The following DNAH6 variants were observed in gnomAD, a reference collection of about 807,000 sequenced individuals.
DNAH6 encodes axonemal beta dynein heavy chain 6.
In DNAH6, 340 loss-of-function variants were observed where a neutral mutation model predicts 491.4. The ratio of observed to expected loss-of-function variants is 0.69; its 90% confidence interval spans 0.63 to 0.76. DNAH6 has a LOEUF of 0.76. Ranked by LOEUF, DNAH6 falls within the 30% of genes least tolerant of loss-of-function variation. The pLI, the probability that DNAH6 is intolerant of heterozygous loss-of-function variation, is 0.00. For missense variants in DNAH6, 4,443 were observed against 4,972.2 expected (o/e 0.89, Z 3.20); for synonymous variants, 1,603 against 1,686.1 (o/e 0.95, Z 1.21).
intron 42 of DNAH6, among the ~76,000 whole-genome samples, chr2:84,683,907 G>A (rs1232746214): frequency 6.6e-6 from 1 of 152,120 alleles, no homozygotes; most frequent in Non-Finnish European, 1.5e-5. Context: ...GCATTAACAA[G>A]TCTGGGAATG....
In DNAH6 at chr2:84,796,436, T is replaced by C. The variant is rs778013139; in HGVS notation, c.11359+11T>C. The C allele has an allele frequency of 2.9e-5, 43 of 1,494,240 alleles. No individual in the cohort carries two copies. In the South Asian group the frequency reaches 5.4e-4, roughly 19 times the overall value. The allele number at this position is 1,494,240 out of a possible 1,614,324, so 92.6% of individuals were successfully genotyped here. On this transcript the variant is annotated intron_variant, in intron 69 of 76. Coordinates refer to ENST00000389394, the MANE Select transcript of DNAH6 (RefSeq NM_001370.2). The stretch of plus-strand genomic sequence containing the variant: ...AATACTCTGAATCAGGTGAATGACT[T>C]TTCAATATTACAGAAAAGGCCTTTC...
At position 84,643,267 on chromosome 2, in the gene DNAH6, G is replaced by T. The variant is rs372841657; in HGVS notation, c.5078+1213G>T. ...TTTGCTCATCTATAGGTAAAGTGGGGTTTTTTTTTTCCTTCTGGCTTATTT... is the reference window on the plus strand; with the variant it reads ...TTTGCTCATCTATAGGTAAAGTGGGTTTTTTTTTTTCCTTCTGGCTTATTT... On this transcript the variant is annotated intron_variant, in intron 33 of 76. Coordinates refer to ENST00000389394, the MANE Select transcript of DNAH6 (RefSeq NM_001370.2). 8.1e-4 allele frequency among the ~76,000 whole-genome samples: 119 copies of T among 147,728 alleles called. 1 individual carries two copies. The highest frequency in any genetic ancestry group is 2.8e-3 in the South Asian group (13 of 4,632).
chr2:84,547,322 A>G lies in DNAH6; in HGVS notation c.985A>G (p.Met329Val). 1.9e-6 allele frequency: 3 copies of G among 1,551,076 alleles called. No homozygotes were observed. The highest frequency in any genetic ancestry group is 2.6e-6 in the Non-Finnish European group (3 of 1,146,680). Residue 329 changes from methionine to valine, a missense_variant, in exon 6 of 77, where the codon ATG (methionine) becomes GTG (valine). Physicochemically the swap from Met to Val is conservative, Grantham distance 21. This residue lies in a region of DNAH6 where 2,977 missense variants were observed against 3,296.6 expected (regional missense o/e 0.90). Coordinates refer to ENST00000389394, the MANE Select transcript of DNAH6 (RefSeq NM_001370.2). ...INELCYHLSF[M>V]GLCYIEKCHT... ...TGAATTGTGTTATCATTTGAGTTTT[A>G]TGGGACTTTGTTATATTGAAAAGTG... is the stretch of plus-strand genomic sequence containing the variant.
At chr2:84,699,561 T>C (rs1335204957) in intron 47 of DNAH6, 33 bp from the exon 48 acceptor site, 1 of 1,535,712 alleles carries the variant, frequency 6.5e-7, no homozygotes, top group Non-Finnish European at 8.8e-7. Context: ...TAATCATTAT[T>C]TTAAACTGAA....
the DNAH6 span, among the ~76,000 whole-genome samples, chr2:84,503,098 A>G: frequency 6.6e-6 from 1 of 151,922 alleles, no homozygotes; most frequent in Admixed American, 6.6e-5. Context: ...TTCCAGTAGT[A>G]AAGGTGATTT....
chr2:84,571,013 G>A (rs772026098), intron 11 of DNAH6, among the ~76,000 whole-genome samples: 8 of 152,156 alleles, frequency 5.3e-5, no homozygotes, highest in Non-Finnish European at 1.2e-4. Context: ...CATTCTTGAA[G>A]TCAGCAAGAC....
rs1331190701 is a variant in DNAH6 at position 84,699,710 on chromosome 2, C to T, written c.7794C>T (p.Cys2598=). The change falls in exon 48 of 77, where the codon TGC becomes TGT. Residue 2598 remains cysteine, a synonymous_variant. Coordinates refer to ENST00000389394, the MANE Select transcript of DNAH6 (RefSeq NM_001370.2). The part of the protein sequence containing the change: ...RCRMFPSLVN[C]CTIDWFVQWP... Reference sequence around the variant, plus strand: ...GGATGTTTCCATCCCTTGTGAATTGCTGCACCATTGACTGGTTTGTGCAGG... The same window carrying T: ...GGATGTTTCCATCCCTTGTGAATTGTTGCACCATTGACTGGTTTGTGCAGG... The T allele has an allele frequency of 6.4e-7, 1 of 1,551,534 alleles. No individual in the cohort carries two copies. Among genetic ancestry groups the T allele is most frequent in the African/African-American group, 1.4e-5 (1 of 73,054 alleles).
intron 65 of DNAH6, among the ~76,000 whole-genome samples, chr2:84,783,440 G>C (rs1005899086): frequency 6.6e-6 from 1 of 152,126 alleles, no homozygotes; most frequent in Non-Finnish European, 1.5e-5. Context: ...TTCTTTCTTT[G>C]GTTTTTTGGT....
chr2:84,717,673 G>A (rs1697674246), intron 58 of DNAH6, among the ~76,000 whole-genome samples: 1 of 152,148 alleles, frequency 6.6e-6, no homozygotes, highest in Non-Finnish European at 1.5e-5. Flanking sequence ...ATGGAGACTG[G>A]GAGCAAATTA....
intron 23 of DNAH6, among the ~76,000 whole-genome samples, chr2:84,618,825 C>A (rs1056314187): frequency 6.6e-6 from 1 of 151,768 alleles, no homozygotes; most frequent in Non-Finnish European, 1.5e-5. Flanking sequence ...AATTTTTTTT[C>A]ATAAAAGGTC....
intron 61 of DNAH6, 83 bp from the exon 62 acceptor site, chr2:84,733,361 G>A (rs754537482): frequency 1.5e-4 from 187 of 1,233,600 alleles, no homozygotes; most frequent in Non-Finnish European, 2.0e-4. Context: ...TACTATTAGA[G>A]CTTGATTTTT....
chr2:84,813,069 A>T lies in DNAH6; in HGVS notation c.11937A>T (p.Lys3979Asn). The T allele has an allele frequency of 6.4e-7, 1 of 1,551,518 alleles. No individual in the cohort carries two copies. The highest frequency in any genetic ancestry group is 8.7e-7 in the Non-Finnish European group (1 of 1,146,692). ...LRTSFVDLWL[K>N]RGQPKSYWIS... ...TGTTTCTCCTTCAGCTGTGGCTCAAAAGAGGACAGCCTAAGTCCTACTGGA... is the reference window on the plus strand; with the variant it reads ...TGTTTCTCCTTCAGCTGTGGCTCAATAGAGGACAGCCTAAGTCCTACTGGA... Residue 3979 changes from lysine (K) to asparagine (N), a missense_variant, in exon 74 of 77, where the codon AAA becomes AAT. Physicochemically the swap from Lys to Asn is moderately conservative, Grantham distance 94. This residue lies in a region of DNAH6 where 1,463 missense variants were observed against 1,656.6 expected (regional missense o/e 0.88). Coordinates refer to ENST00000389394, the MANE Select transcript of DNAH6 (RefSeq NM_001370.2).
chr2:84,802,694 A>C (rs1679042652), intron 70 of DNAH6, among the ~76,000 whole-genome samples: 3 of 152,222 alleles, frequency 2.0e-5, no homozygotes, highest in Admixed American at 2.0e-4. Flanking sequence ...CCTAAATTCA[A>C]TACTTGACTA....
intron 30 of DNAH6, among the ~76,000 whole-genome samples, chr2:84,636,699 GA>G (rs1410027991): frequency 6.6e-6 from 1 of 152,148 alleles, no homozygotes; most frequent in African/African-American, 2.4e-5. Context: ...TGGGAGTGGA[GA>G]AGGTTTAATG....
chr2:84,702,973 C>T (rs1276878265), intron 49 of DNAH6, among the ~76,000 whole-genome samples: 1 of 152,188 alleles, frequency 6.6e-6, no homozygotes, highest in Non-Finnish European at 1.5e-5. Flanking sequence ...TAGAGCTACA[C>T]CCTCTGGACC....
upstream of DNAH6, among the ~76,000 whole-genome samples, chr2:84,514,867 T>TCTCACACACACA (rs71390175): frequency 2.2e-3 from 309 of 139,112 alleles, 1 homozygote; most frequent in African/African-American, 8.1e-3. Flanking sequence ...TTCACCACAG[T>TCTCACACACACA]CACACACACA....
At chr2:84,781,358 C>A in intron 64 of DNAH6, 135 bp from the exon 65 acceptor site, 1 of 787,438 alleles carries the variant, frequency 1.3e-6, no homozygotes, top group South Asian at 2.5e-5. Context: ...GGAAAACATA[C>A]TTGTACTCCT....
At chr2:84,659,873 G>A (rs988329809) in intron 37 of DNAH6, among the ~76,000 whole-genome samples, 9 of 152,036 alleles carry the variant, frequency 5.9e-5, no homozygotes, top group African/African-American at 1.2e-4. Flanking sequence ...TTCTAGCTAC[G>A]TAGGAGGCTG....
At position 84,554,572 on chromosome 2, in the gene DNAH6, C is replaced by T. The variant is rs1398815300; in HGVS notation, c.1602+1538C>T. Reference sequence around the variant, plus strand: ...ATAAGCTATTTGACTTTAGGAAAACCGCTTCTGGGGTTCAGTTTCTGTGTT... The same window carrying T: ...ATAAGCTATTTGACTTTAGGAAAACTGCTTCTGGGGTTCAGTTTCTGTGTT... On this transcript the variant is annotated intron_variant, in intron 10 of 76. Coordinates refer to ENST00000389394, the MANE Select transcript of DNAH6 (RefSeq NM_001370.2). 2.6e-5 allele frequency among the ~76,000 whole-genome samples: 4 copies of T among 152,126 alleles called. No homozygotes were observed. The South Asian group carries it at 6.2e-4, about 24-fold the overall frequency.
Sources: allele counts gnomAD v4.1 joint callset (sites outside exome capture counted in the v4.1 genomes callset), GRCh38; gene constraint gnomAD v4.1.1; regional missense constraint gnomAD v4.1.1; transcripts MANE v1.5; gene names NCBI Gene and HGNC (gene_info 2026-07-23, HGNC 2026-07-21).